Variants in CNOT8 observed in about 807,000 individuals in gnomAD.
CNOT8 encodes the protein CCR4-NOT transcription complex subunit 8, also known as CAF1-like protein.
In CNOT8, 18 loss-of-function variants were observed where a neutral mutation model predicts 34.6. That is an observed-to-expected ratio of 0.52 (90% CI 0.36 to 0.77). The LOEUF (loss-of-function observed/expected upper bound fraction) is 0.77. Ranked by LOEUF, CNOT8 falls within the 30% of genes least tolerant of loss-of-function variation. The pLI, the probability that CNOT8 is intolerant of heterozygous loss-of-function variation, is 0.00. For missense variants in CNOT8, 189 were observed against 347.9 expected, an observed-to-expected ratio of 0.54 and a Z score of 3.63; for synonymous variants, 101 against 118.8, an observed-to-expected ratio of 0.85 and a Z score of 0.98.
At position 154,865,176 on chromosome 5, in the gene CNOT8, C is replaced by T; in HGVS notation, c.118-16C>T. 1 of 1,535,988 alleles carries T rather than the reference C, an allele frequency of 6.5e-7. No homozygotes were observed. The highest frequency in any genetic ancestry group is 8.7e-7 in the Non-Finnish European group (1 of 1,144,208). The stretch of plus-strand genomic sequence containing the variant: ...TTTTGTGAAACCTTGTGATGAGAGA[C>T]TTTTTCCTTTTCCAGGACACAGAAT... On this transcript the variant is annotated splice_polypyrimidine_tract_variant and intron_variant, in intron 2 of 6. Transcript: ENST00000285896.
chr5:154,873,231 G>A (rs1762645602), intron 6 of CNOT8, among the ~76,000 whole-genome samples: 1 of 152,206 alleles, frequency 6.6e-6, no homozygotes, highest in African/African-American at 2.4e-5. Flanking sequence ...TTAGCAAGTT[G>A]ATGTCCACTT....
intron 2 of CNOT8, 130 bp from the exon 3 acceptor site, chr5:154,865,062 A>T (rs913032570): frequency 5.5e-5 from 43 of 785,720 alleles, no homozygotes; most frequent in Non-Finnish European, 8.0e-5. Context: ...ACACAAAAAG[A>T]ATTTTGTGCC....
In CNOT8 at chr5:154,876,136, A is replaced by G. The variant is rs938252301; in HGVS notation, c.*697A>G. 1 of 152,228 alleles carries G rather than the reference A, an allele frequency of 6.6e-6. No individual in the cohort carries two copies. Among genetic ancestry groups the G allele is most frequent in the Non-Finnish European group, 1.5e-5 (1 of 68,044 alleles). The allele number at this position is 152,228 out of a possible 1,614,324, so 9.4% of individuals were successfully genotyped here. A position where few individuals can be genotyped will look rare whatever the true frequency, so the allele number is the denominator to read the frequency against. On this transcript the variant is annotated 3_prime_UTR_variant, in exon 7 of 7. Coordinates refer to ENST00000285896, the MANE Select transcript of CNOT8 (RefSeq NM_001301073.2). Reference sequence around the variant, plus strand: ...AGTGTTGACCACTGAAGCATCTTTTAAGTCTGTGTTCCATTGTGCCATTCA... The same window carrying G: ...AGTGTTGACCACTGAAGCATCTTTTGAGTCTGTGTTCCATTGTGCCATTCA...
intron 3 of CNOT8, chr5:154,867,619 C>G (rs981013554): frequency 1.3e-5 from 3 of 233,418 alleles, no homozygotes; most frequent in Non-Finnish European, 1.8e-5. Flanking sequence ...AGCCCCTGAC[C>G]TTCATGGAAG....
chr5:154,875,174 C>A, intron 6 of CNOT8, 116 bp from the exon 7 acceptor site: 1 of 1,188,782 alleles, frequency 8.4e-7, no homozygotes. Context: ...GCCTCAGCCT[C>A]ACAAAGTGCT....
At chr5:154,863,742 A>G (rs1349129223) in intron 2 of CNOT8, among the ~76,000 whole-genome samples, 2 of 152,248 alleles carry the variant, frequency 1.3e-5, no homozygotes, top group African/African-American at 4.8e-5. Context: ...AGTGTCTCTG[A>G]GAAGGATGTA....
At chr5:154,871,670 T>C in intron 4 of CNOT8, 60 bp from the exon 5 acceptor site, 2 of 1,540,848 alleles carry the variant, frequency 1.3e-6, no homozygotes, top group Non-Finnish European at 1.8e-6. Flanking sequence ...AATAAAATGG[T>C]TGAACACTGG....
chr5:154,864,955 T>C (rs1024556195), intron 2 of CNOT8, among the ~76,000 whole-genome samples: 1 of 151,964 alleles, frequency 6.6e-6, no homozygotes, highest in Non-Finnish European at 1.5e-5. Flanking sequence ...GGTGGGAGGA[T>C]TGATTGCACC....
At chr5:154,861,787 C>T (rs1293840180) in intron 1 of CNOT8, among the ~76,000 whole-genome samples, 1 of 152,210 alleles carries the variant, frequency 6.6e-6, no homozygotes, top group Non-Finnish European at 1.5e-5. Context: ...CAACCTCTGC[C>T]TCCTGGGTTC....
At position 154,872,157 on chromosome 5, in the gene CNOT8, G is replaced by A. The variant is rs145403396; in HGVS notation, c.618+283G>A. Among the ~76,000 whole-genome samples, 304 of 152,252 alleles carry A rather than the reference G, an allele frequency of 2.0e-3. 2 individuals carry two copies. Among genetic ancestry groups the A allele is most frequent in the African/African-American group, 7.2e-3 (301 of 41,550 alleles). ...TATAAATGCTGTTTGTTAGGGATGG[G>A]GTCTGTGGTATAACAGATTCTTAGA... On this transcript the variant is annotated intron_variant, in intron 5 of 6. Transcript: ENST00000285896.
At chr5:154,867,402 TAGATAA>T (rs1361587735) in intron 3 of CNOT8, among the ~76,000 whole-genome samples, 19 of 152,224 alleles carry the variant, frequency 1.2e-4, no homozygotes, top group African/African-American at 4.6e-4. Context: ...CAGAGTCTTT[TAGATAA>T]TCATCTGTAT....
intron 3 of CNOT8, among the ~76,000 whole-genome samples, chr5:154,868,565 A>C (rs1201910276): frequency 6.6e-6 from 1 of 151,956 alleles, no homozygotes; most frequent in Non-Finnish European, 1.5e-5. Context: ...ACCGCACCCG[A>C]CCTATTTACT....
At chr5:154,875,029 G>T (rs1230820101) in intron 6 of CNOT8, among the ~76,000 whole-genome samples, 1 of 151,814 alleles carries the variant, frequency 6.6e-6, no homozygotes, top group African/African-American at 2.4e-5. Context: ...TGATTCTTCC[G>T]CCTCAGCCTC....
chr5:154,875,598 T>G lies in CNOT8; in HGVS notation c.*159T>G, dbSNP rs1762869682. On this transcript the variant is annotated 3_prime_UTR_variant, in exon 7 of 7. Transcript: ENST00000285896. ...TTTGTTTTACTGAAGACAAAAGATG[T>G]TTTTATTTTAGACCCAGAAGAGAGG... 2 of 778,612 alleles carry G rather than the reference T, an allele frequency of 2.6e-6. No homozygotes were observed. The highest frequency in any genetic ancestry group is 3.5e-5 in the African/African-American group (2 of 56,420). 48.2% of individuals were successfully genotyped at this position (778,612 alleles called of 1,614,324 possible).
intron 1 of CNOT8, among the ~76,000 whole-genome samples, chr5:154,860,235 A>G (rs1761195733): frequency 6.6e-6 from 1 of 152,180 alleles, no homozygotes; most frequent in Non-Finnish European, 1.5e-5. Context: ...CCCCTATCTT[A>G]GGCTCATTTT....
intron 2 of CNOT8, 137 bp downstream of exon 2, chr5:154,863,532 C>T: frequency 4.3e-6 from 3 of 695,012 alleles, no homozygotes; most frequent in Non-Finnish European, 7.9e-6. Context: ...TGGGCTCAAG[C>T]AGTCCTCCCA....
chr5:154,862,970 G>A (rs1761490604), intron 1 of CNOT8, among the ~76,000 whole-genome samples: 1 of 152,184 alleles, frequency 6.6e-6, no homozygotes, highest in South Asian at 2.1e-4. Flanking sequence ...GCAGAGGACT[G>A]CTGGGCAGAA....
Position 154,865,116 on chromosome 5 carries a change from A to G in CNOT8, c.118-76A>G, listed in dbSNP as rs532346031. On this transcript the variant is annotated intron_variant, in intron 2 of 6. Coordinates refer to ENST00000285896, the MANE Select transcript of CNOT8 (RefSeq NM_001301073.2). ...CATAACTTTTATAAATGGAGGTAAA[A>G]TTTTATTTATGAATTACCAATTCAG... is the stretch of plus-strand genomic sequence containing the variant. 124 of 1,245,190 alleles carry G rather than the reference A, an allele frequency of 1.0e-4. No individual in the cohort carries two copies. In the African/African-American group the frequency reaches 1.8e-3, roughly 18 times the overall value. 77.1% of individuals were successfully genotyped at this position (1,245,190 alleles called of 1,614,324 possible).
intron 1 of CNOT8, chr5:154,859,824 A>G (rs1761151729): frequency 6.6e-6 from 1 of 152,262 alleles, no homozygotes; most frequent in Non-Finnish European, 1.5e-5. Context: ...CGATCTGAAC[A>G]TACTGCACTG....
Sources: allele counts gnomAD v4.1 joint callset (sites outside exome capture counted in the v4.1 genomes callset), GRCh38; gene constraint gnomAD v4.1.1; transcripts MANE v1.5; gene names NCBI Gene and HGNC (gene_info 2026-07-23, HGNC 2026-07-21).